Variants in PMS2 observed in about 807,000 individuals in gnomAD.
The protein encoded by PMS2 is mismatch repair endonuclease PMS2.
PMS2 carries 69 observed loss-of-function variants against 90.0 expected under a neutral mutation model. The ratio of observed to expected loss-of-function variants is 0.77; its 90% CI spans 0.63 to 0.94. PMS2 has a LOEUF of 0.94. Among genes scored for constraint, PMS2 ranks in the 40% least tolerant of loss-of-function variants. PMS2 has a pLI of 0.00. For synonymous variants in PMS2, 332 were observed against 375.1 expected (o/e 0.89, Z 1.33); for missense variants, 966 against 1,040.2 (o/e 0.93, Z 0.98).
At chr7:5,990,293 C>A (rs1783597391) in intron 9 of PMS2, among the ~76,000 whole-genome samples, 1 of 152,344 alleles carries the variant, frequency 6.6e-6, no homozygotes, top group South Asian at 2.1e-4. Flanking sequence ...CAGGCGTGAG[C>A]CACCGCGCCC....
intron 8 of PMS2, among the ~76,000 whole-genome samples, chr7:5,993,862 C>CAAAAAAAAAA (rs61677497): frequency 2.6e-5 from 1 of 38,940 alleles, no homozygotes; most frequent in Non-Finnish European, 4.1e-5. Context: ...GACTCTGTCT[C>CAAAAAAAAAA]AAAAAAAAAA....
Position 5,987,076 on chromosome 7 carries a change from T to C in PMS2, c.1689A>G (p.Arg563=), listed in dbSNP as rs551226281. The change falls in exon 11 of 15, where the codon CGA becomes CGG. Residue 563 remains arginine (R), a synonymous_variant. Coordinates refer to ENST00000265849, the MANE Select transcript of PMS2 (RefSeq NM_000535.7). ...SNQEDTGCKF[R]VLPQPTNLAT... ...CGAGATTAGTTGGCTGAGGCAAAAC[T>C]CGAAATTTACATCCGGTATCTTCCT... 206 of 1,613,824 alleles carry C rather than the reference T, an allele frequency of 1.3e-4. No individual in the cohort carries two copies. The highest frequency in any genetic ancestry group is 1.0e-3 in the East Asian group (47 of 44,886).
At chr7:6,006,867 T>C (rs1164003082) in intron 1 of PMS2, among the ~76,000 whole-genome samples, 1 of 152,144 alleles carries the variant, frequency 6.6e-6, no homozygotes, top group Non-Finnish European at 1.5e-5. Flanking sequence ...AAGAGTTTTA[T>C]AAAGGTTTTA....
chr7:5,994,720 G>C (rs543372541), intron 8 of PMS2, among the ~76,000 whole-genome samples: 2 of 151,690 alleles, frequency 1.3e-5, no homozygotes, highest in African/African-American at 4.8e-5. Context: ...AGCTTGCAGT[G>C]AGCCGAGACC....
chr7:6,001,900 G>T (rs1371117341), intron 5 of PMS2: 2 of 152,066 alleles, frequency 1.3e-5, no homozygotes, highest in East Asian at 1.9e-4. Flanking sequence ...GGCTGAGGCA[G>T]GAGAATCGCT....
chr7:5,998,011 T>C lies in PMS2; in HGVS notation c.706-588A>G, dbSNP rs187163841. Among the ~76,000 whole-genome samples, 140 of 151,964 alleles carry C rather than the reference T, an allele frequency of 9.2e-4. 1 individual carries two copies. The highest frequency in any genetic ancestry group is 3.3e-3 in the African/African-American group (138 of 41,430). ...AGAGTGAAAAGACGCAGTATACGAG[T>C]GTCTCTGGAAGAATAAAATGAAACA... On this transcript the variant is annotated intron_variant, in intron 6 of 14. Transcript: ENST00000265849.
chr7:5,982,879 A>G lies in PMS2; in HGVS notation c.2119T>C (p.Tyr707His), dbSNP rs1583298644. 5 of 1,606,194 alleles carry G rather than the reference A, an allele frequency of 3.1e-6. No homozygotes were observed. Among genetic ancestry groups the G allele is most frequent in the Non-Finnish European group, 1.7e-6 (2 of 1,176,436 alleles). Reference protein sequence around the residue: ...IVDQHATDEKYNFEMLQQHTV... With the variant: ...IVDQHATDEKHNFEMLQQHTV... The stretch of plus-strand genomic sequence containing the variant: ...TGCTGCTGCAGCATCTCGAAGTTAT[A>G]CTTCTCGTCCGTGGCATGCTGGTCC... Residue 707 changes from tyrosine to histidine, a missense_variant, in exon 12 of 15, where the codon TAT becomes CAT. Coordinates refer to ENST00000265849, the MANE Select transcript of PMS2 (RefSeq NM_000535.7).
At chr7:5,985,217 C>A (rs1009914880) in intron 11 of PMS2, among the ~76,000 whole-genome samples, 1 of 151,876 alleles carries the variant, frequency 6.6e-6, no homozygotes, top group African/African-American at 2.4e-5. Context: ...CCTGCCTCAG[C>A]CCCCTGAGTA....
intron 1 of PMS2, among the ~76,000 whole-genome samples, chr7:6,007,324 C>A (rs532595094): frequency 6.6e-6 from 1 of 152,036 alleles, no homozygotes; most frequent in South Asian, 2.1e-4. Context: ...CCATGTTGGC[C>A]AGGCTGGTCT....
rs773913260 is a variant in PMS2, at chr7:5,982,854, T to G, written c.2144A>C (p.His715Pro). ...GAGCCTCTGCCCCTGGAGCACGGTG[T>G]GCTGCTGCAGCATCTCGAAGTTATA... ...EKYNFEMLQQHTVLQGQRLIA... is the reference protein window; with the variant it reads ...EKYNFEMLQQPTVLQGQRLIA... Residue 715 changes from histidine to proline, a missense_variant, in exon 12 of 15, where the codon CAC becomes CCC. By Grantham distance (77) the His-to-Pro change is moderately conservative. Coordinates refer to ENST00000265849, the MANE Select transcript of PMS2 (RefSeq NM_000535.7). 3 of 1,609,034 alleles carry G rather than the reference T, an allele frequency of 1.9e-6. No individual in the cohort carries two copies. The highest frequency in any genetic ancestry group is 2.5e-6 in the Non-Finnish European group (3 of 1,178,148).
intron 10 of PMS2, 74 bp downstream of exon 10, chr7:5,989,726 G>T: frequency 8.4e-7 from 1 of 1,185,440 alleles, no homozygotes; most frequent in Non-Finnish European, 1.2e-6. Flanking sequence ...TCAAAAAAAA[G>T]TTTACTTGGA....
chr7:5,991,987 A>G lies in PMS2; in HGVS notation c.974T>C (p.Ile325Thr). Residue 325 changes from isoleucine (I) to threonine (T), a missense_variant, in exon 9 of 15, where the codon ATT (isoleucine) becomes ACT (threonine). Physicochemically the swap from Ile to Thr is moderately conservative, Grantham distance 89. This residue lies in a region of PMS2 where 871 missense variants were observed against 802.4 expected (regional missense o/e 1.09). Coordinates refer to ENST00000265849, the MANE Select transcript of PMS2 (RefSeq NM_000535.7). ...RHQYPFVVLN[I>T]SVDSECVDIN... ...ATGGAACTTACCTGAATCAACAGAA[A>G]TGTTAAGAACAACAAATGGATACTG... is the stretch of plus-strand genomic sequence containing the variant. 6.3e-7 allele frequency: 1 copy of G among 1,576,404 alleles called. No homozygotes were observed. The highest frequency in any genetic ancestry group is 1.1e-5 in the South Asian group (1 of 90,332).
chr7:5,988,470 A>T (rs554384810), intron 10 of PMS2, among the ~76,000 whole-genome samples: 3 of 152,280 alleles, frequency 2.0e-5, no homozygotes, highest in Admixed American at 6.5e-5. Flanking sequence ...AGAATGAGGC[A>T]GGAGAATCAC....
intron 6 of PMS2, among the ~76,000 whole-genome samples, chr7:5,998,200 G>A (rs1784649547): frequency 6.6e-6 from 1 of 150,638 alleles, no homozygotes; most frequent in Non-Finnish European, 1.5e-5. Context: ...TCCTGCCTCA[G>A]CCTCCTGAGT....
intron 5 of PMS2, among the ~76,000 whole-genome samples, chr7:6,000,137 G>A (rs536750721): frequency 9.9e-5 from 15 of 152,162 alleles, no homozygotes; most frequent in South Asian, 8.3e-4. Context: ...CACTTTGGGA[G>A]GCTGAGGCGG....
rs578072966 is a variant in PMS2 at position 5,989,150 on chromosome 7, T to A, written c.1144+650A>T. Reference sequence around the variant, plus strand: ...CAAGCATGAGCCGCTGCGCCTGGCCTAAATTCTACTGTTAGAAGTCAGGAA... The same window carrying A: ...CAAGCATGAGCCGCTGCGCCTGGCCAAAATTCTACTGTTAGAAGTCAGGAA... On this transcript the variant is annotated intron_variant, in intron 10 of 14. Coordinates refer to ENST00000265849, the MANE Select transcript of PMS2 (RefSeq NM_000535.7). Among the ~76,000 whole-genome samples, 4 of 152,250 alleles carry A rather than the reference T, an allele frequency of 2.6e-5. No homozygotes were observed. In the East Asian group the frequency reaches 5.8e-4, roughly 22 times the overall value.
At chr7:5,990,639 AAC>A (rs1783634242) in intron 9 of PMS2, among the ~76,000 whole-genome samples, 1 of 152,192 alleles carries the variant, frequency 6.6e-6, no homozygotes, top group Non-Finnish European at 1.5e-5. Flanking sequence ...GTACATCTAG[AAC>A]ACAATACAGA....
At chr7:5,994,295 C>T (rs933071668) in intron 8 of PMS2, among the ~76,000 whole-genome samples, 27 of 150,220 alleles carry the variant, frequency 1.8e-4, no homozygotes, top group African/African-American at 6.6e-4. Context: ...GCAGGAGAAT[C>T]GCTTGAACTC....
At chr7:5,991,621 C>T (rs1213505096) in intron 9 of PMS2, among the ~76,000 whole-genome samples, 2 of 151,676 alleles carry the variant, frequency 1.3e-5, no homozygotes, top group Non-Finnish European at 2.9e-5. Flanking sequence ...GGGCAGATCA[C>T]GAGGTCAGGA....
Sources: gnomAD v4.1 joint callset for allele counts (sites outside exome capture counted in the v4.1 genomes callset) on GRCh38, gnomAD v4.1.1 for gene constraint, gnomAD v4.1.1 regional missense constraint, MANE v1.5 for transcripts, NCBI Gene and HGNC (gene_info 2026-07-23, HGNC 2026-07-21) for gene names.